CYP2R1: variants seen among roughly 807,000 people sequenced by gnomAD.
CYP2R1 encodes the protein vitamin D 25-hydroxylase.
A neutral mutation model predicts 45.7 loss-of-function variants in CYP2R1; 40 were observed. That is an observed-to-expected ratio of 0.87 (90% CI 0.68 to 1.14). CYP2R1 has a LOEUF of 1.14. Among genes scored for constraint, CYP2R1 ranks in the 50% most tolerant of loss-of-function variants. The probability of loss-of-function intolerance (pLI) is 0.00; values close to 1 mark genes in which losing one functional copy is unlikely to be tolerated. For synonymous variants in CYP2R1, 234 were observed against 219.3 expected (o/e 1.07, Z -0.59); for missense variants, 605 against 602.6 (o/e 1.00, Z -0.04).
intron 1 of CYP2R1, chr11:14,891,749 C>G: frequency 7.4e-7 from 1 of 1,358,370 alleles, no homozygotes; most frequent in East Asian, 3.0e-5. Flanking sequence ...GCCTCGGAGC[C>G]TCGGCCCGGA....
intron 2 of CYP2R1, among the ~76,000 whole-genome samples, chr11:14,884,373 C>G (rs1427941540): frequency 3.9e-5 from 6 of 151,958 alleles, no homozygotes; most frequent in Non-Finnish European, 8.8e-5. Flanking sequence ...GAGTTCATGT[C>G]CTTTGTTAGG....
At chr11:14,884,568 T>G (rs2038396739) in intron 2 of CYP2R1, among the ~76,000 whole-genome samples, 1 of 148,672 alleles carries the variant, frequency 6.7e-6, no homozygotes, top group East Asian at 2.0e-4. Flanking sequence ...CATTAGGAGA[T>G]ATACCTAATG....
chr11:14,885,648 G>T, intron 2 of CYP2R1, 128 bp downstream of exon 2: 1 of 999,876 alleles, frequency 1.0e-6, no homozygotes, highest in Non-Finnish European at 1.5e-6. Flanking sequence ...CAAATACTAG[G>T]TTCTGTAAAT....
At position 14,885,976 on chromosome 11, in the gene CYP2R1, A is replaced by G. The variant is rs78383885; in HGVS notation, c.226-59T>C. The G allele has an allele frequency of 1.9e-5, 29 of 1,539,100 alleles. No individual in the cohort carries two copies. In the East Asian group the frequency reaches 4.1e-4, roughly 22 times the overall value. On this transcript the variant is annotated intron_variant, in intron 1 of 4. Transcript: ENST00000334636. ...ACAGCATGTATGGAGAAATATAACC[A>G]TGGAAATCTACAAGTGGTAAGTGCG...
chr11:14,884,480 A>C (rs1000934921), intron 2 of CYP2R1, among the ~76,000 whole-genome samples: 136 of 144,064 alleles, frequency 9.4e-4, no homozygotes, highest in African/African-American at 2.4e-3. Flanking sequence ...GGAACTGAAC[A>C]ATGAGAACAC....
intron 1 of CYP2R1, chr11:14,891,214 T>G: frequency 4.1e-6 from 4 of 985,230 alleles, no homozygotes; most frequent in Non-Finnish European, 4.8e-6. Flanking sequence ...TGCTTTCCCC[T>G]CCGCAGAATG....
At position 14,892,014 on chromosome 11, in the gene CYP2R1, G is replaced by A; in HGVS notation, c.192C>T (p.Val64=). Residue 64 remains valine, a synonymous_variant, in exon 1 of 5, where the codon GTC becomes GTT. Coordinates refer to ENST00000334636, the MANE Select transcript of CYP2R1 (RefSeq NM_024514.5). ...ACACCTGGCTCTGCTTTCTCATGTAGACATGGGGAAGCTCGGATGAGGCTG... is the reference window on the plus strand; with the variant it reads ...ACACCTGGCTCTGCTTTCTCATGTAAACATGGGGAAGCTCGGATGAGGCTG... ...SLAASSELPH[V]YMRKQSQVYG... 6.2e-7 allele frequency: 1 copy of A among 1,613,522 alleles called. No homozygotes were observed.
At chr11:14,883,432 G>T (rs2134044760) in intron 2 of CYP2R1, among the ~76,000 whole-genome samples, 1 of 152,308 alleles carries the variant, frequency 6.6e-6, no homozygotes, top group African/African-American at 2.4e-5. Flanking sequence ...AAGCAATGGG[G>T]AAAAGATTCC....
At chr11:14,882,367 G>C (rs1394963995) in intron 2 of CYP2R1, among the ~76,000 whole-genome samples, 6 of 152,136 alleles carry the variant, frequency 3.9e-5, no homozygotes, top group Admixed American at 6.6e-5. Context: ...AGATGAGGAA[G>C]TGAGACAAGC....
In CYP2R1 at chr11:14,885,834, G is replaced by A. The variant is rs111824082; in HGVS notation, c.309C>T (p.Ser103=). ...DVVKECLVHQ[S]EIFADRPCLP... ...GGCATGGTCTGTCTGCAAAAATTTCGCTTTGATGAACAAGGCATTCCTTTA... is the reference window on the plus strand; with the variant it reads ...GGCATGGTCTGTCTGCAAAAATTTCACTTTGATGAACAAGGCATTCCTTTA... Residue 103 remains serine (S), a synonymous_variant, in exon 2 of 5, where the codon AGC becomes AGT. Transcript: ENST00000334636. The A allele has an allele frequency of 1.6e-5, 26 of 1,613,416 alleles. No individual in the cohort carries two copies. Among genetic ancestry groups the A allele is most frequent in the African/African-American group, 1.3e-4 (10 of 74,980 alleles).
At chr11:14,887,495 A>AACTTATC (rs1848665874) in intron 1 of CYP2R1, 2 of 734,288 alleles carry the variant, frequency 2.7e-6, no homozygotes, top group Admixed American at 6.3e-5. Flanking sequence ...TTATCCTTAA[A>AACTTATC]CTGCTTTGAT....
Position 14,879,290 on chromosome 11 carries a change from TC to T in CYP2R1, c.1153del (p.Glu385LysfsTer16). ...GGAATAACCACGTACAACTGCATCT[TC>T]AGAGGTTGCATGGAAAATCCCTAAT... ...VPLGIFHATS[E>X]DAVVRGYSIP... On this transcript the variant is annotated frameshift_variant, in exon 4 of 5. Coordinates refer to ENST00000334636, the MANE Select transcript of CYP2R1 (RefSeq NM_024514.5). LOFTEE classifies it high-confidence loss of function. 6.2e-7 allele frequency: 1 copy of T among 1,613,316 alleles called. No individual in the cohort carries two copies. The highest frequency in any genetic ancestry group is 1.3e-5 in the African/African-American group (1 of 74,996).
At position 14,891,975 on chromosome 11, in the gene CYP2R1, C is replaced by T; in HGVS notation, c.225+6G>A. Reference sequence around the variant, plus strand: ...CCTCCCTGCCCGGGGCCCGTCGGGGCTGTACCTCTCCGTACACCTGGCTCT... The same window carrying T: ...CCTCCCTGCCCGGGGCCCGTCGGGGTTGTACCTCTCCGTACACCTGGCTCT... On this transcript the variant is annotated splice_donor_region_variant and intron_variant, in intron 1 of 4. Transcript: ENST00000334636. 1.2e-6 allele frequency: 2 copies of T among 1,612,676 alleles called. No individual in the cohort carries two copies. The highest frequency in any genetic ancestry group is 8.5e-7 in the Non-Finnish European group (1 of 1,179,570).
intron 1 of CYP2R1, among the ~76,000 whole-genome samples, chr11:14,889,442 T>C (rs1266061298): frequency 6.6e-6 from 1 of 152,244 alleles, no homozygotes; most frequent in Non-Finnish European, 1.5e-5. Context: ...AGAGTTAATA[T>C]GTTTGGTGGT....
intron 2 of CYP2R1, among the ~76,000 whole-genome samples, chr11:14,884,709 A>C (rs1555013759): frequency 6.6e-6 from 1 of 152,030 alleles, no homozygotes; most frequent in Non-Finnish European, 1.5e-5. Context: ...AAAATTAAAA[A>C]AAGAAATAAA....
In CYP2R1 at chr11:14,878,285, C is replaced by T. The variant is rs1848232585; in HGVS notation, c.1343G>A (p.Cys448Tyr). Residue 448 changes from cysteine (C) to tyrosine (Y), a missense_variant, in exon 5 of 5, where the codon TGT becomes TAT. Physicochemically the swap from Cys to Tyr is radical, Grantham distance 194. Coordinates refer to ENST00000334636, the MANE Select transcript of CYP2R1 (RefSeq NM_024514.5). ...CATCCGAGCCAAGTGTTCTCCAAGA[C>T]AATGTCTTCTTCCTAAACAGAAAAA... ...LVPFSLGRRH[C>Y]LGEHLARMEM... is the part of the protein sequence containing the mutation. The T allele has an allele frequency of 1.7e-5, 28 of 1,612,774 alleles. No individual in the cohort carries two copies. The highest frequency in any genetic ancestry group is 2.3e-5 in the Non-Finnish European group (27 of 1,179,286).
rs1298632376 is a variant in CYP2R1 at position 14,892,115 on chromosome 11, GC to G, written c.90del (p.Leu31Ter). The G allele has an allele frequency of 1.9e-6, 3 of 1,611,602 alleles. No individual in the cohort carries two copies. In the African/African-American group the frequency reaches 4.0e-5, roughly 22 times the overall value. ...LLLFALGVRQ[L>X]LKQRRPMGFP... is the part of the protein sequence containing the mutation. ...AAGCCCATCGGCCGCCTCTGCTTCA[GC>G]AGCTGGCGGACCCCTAGCGCGAAGA... On this transcript the variant is annotated frameshift_variant, in exon 1 of 5. Transcript: ENST00000334636. LOFTEE classifies it high-confidence loss of function.
intron 4 of CYP2R1, among the ~76,000 whole-genome samples, 179 bp from the exon 5 acceptor site, chr11:14,878,476 AC>A (rs1169604174): frequency 1.3e-5 from 2 of 152,076 alleles, no homozygotes; most frequent in Non-Finnish European, 2.9e-5. Flanking sequence ...AGCAAGCAGA[AC>A]CCATTCATTT....
intron 2 of CYP2R1, among the ~76,000 whole-genome samples, chr11:14,882,965 C>A (rs1848450073): frequency 6.6e-6 from 1 of 152,066 alleles, no homozygotes; most frequent in Non-Finnish European, 1.5e-5. Context: ...ACCTAGGAAT[C>A]CAACTTACAA....
Sources: gnomAD v4.1 joint callset for allele counts (sites outside exome capture counted in the v4.1 genomes callset) on GRCh38, gnomAD v4.1.1 for gene constraint, MANE v1.5 for transcripts, NCBI Gene and HGNC (gene_info 2026-07-23, HGNC 2026-07-21) for gene names.